The following FSTL5 variants were observed in gnomAD, a reference collection of about 807,000 sequenced individuals.
The protein encoded by FSTL5 is follistatin like 5.
Under a neutral mutation model 89.1 loss-of-function variants are expected in FSTL5, and 62 were observed. The ratio of observed to expected loss-of-function variants is 0.70; its 90% CI spans 0.57 to 0.86. FSTL5 has a LOEUF of 0.86. Ranked by LOEUF, FSTL5 falls within the 40% of genes least tolerant of loss-of-function variation. FSTL5 has a pLI of 0.00. For synonymous variants in FSTL5, 383 were observed against 346.2 expected (o/e 1.11, Z -1.18); for missense variants, 1,057 against 1,001.6 (o/e 1.06, Z -0.75).
intron 10 of FSTL5, among the ~76,000 whole-genome samples, chr4:161,533,168 G>GTA: frequency 7.8e-6 from 1 of 127,706 alleles, no homozygotes; most frequent in African/African-American, 3.0e-5. Flanking sequence ...TTAGAACTAG[G>GTA]AAAAAAAAAA....
At chr4:162,147,026 C>G (rs1733028637) in intron 1 of FSTL5, among the ~76,000 whole-genome samples, 1 of 151,978 alleles carries the variant, frequency 6.6e-6, no homozygotes, top group Non-Finnish European at 1.5e-5. Flanking sequence ...AAGTGATCTG[C>G]CCCCCTCGGC....
intron 7 of FSTL5, among the ~76,000 whole-genome samples, chr4:161,595,340 CCT>C (rs5863471): frequency 0.59 from 88,835 of 151,536 alleles, 26,288 homozygotes; most frequent in East Asian, 0.77. Flanking sequence ...GTTCTGAACC[CCT>C]GTTACACCTT....
At chr4:161,428,942 A>G (rs1732259034) in intron 15 of FSTL5, among the ~76,000 whole-genome samples, 1 of 151,784 alleles carries the variant, frequency 6.6e-6, no homozygotes, top group Non-Finnish European at 1.5e-5. Context: ...TGGATTCTAG[A>G]TTTTGGCCCT....
chr4:161,916,488 T>C (rs575920855), intron 4 of FSTL5, among the ~76,000 whole-genome samples: 53 of 152,240 alleles, frequency 3.5e-4, no homozygotes, highest in African/African-American at 1.2e-3. Context: ...AACTGTCTCA[T>C]CACAAAAATG....
chr4:162,066,640 G>A (rs1290907093), intron 2 of FSTL5, among the ~76,000 whole-genome samples: 1 of 134,328 alleles, frequency 7.4e-6, no homozygotes, highest in Non-Finnish European at 1.5e-5. Flanking sequence ...GTGTCCATGT[G>A]TTCTATTGTT....
intron 3 of FSTL5, among the ~76,000 whole-genome samples, chr4:162,025,867 C>T (rs1560977055): frequency 6.6e-6 from 1 of 151,740 alleles, no homozygotes; most frequent in Non-Finnish European, 1.5e-5. Context: ...GAATTGCAAA[C>T]TTTTTTATAT....
chr4:162,104,746 T>C (rs1220136435), intron 2 of FSTL5, among the ~76,000 whole-genome samples: 1 of 152,168 alleles, frequency 6.6e-6, no homozygotes, highest in East Asian at 1.9e-4. Flanking sequence ...CTCATGAAAC[T>C]ATGTGTGACA....
At chr4:161,925,951 A>G (rs1734109534) in intron 3 of FSTL5, among the ~76,000 whole-genome samples, 1 of 151,966 alleles carries the variant, frequency 6.6e-6, no homozygotes, top group Non-Finnish European at 1.5e-5. Context: ...TACATTACAC[A>G]ATTAAATATT....
intron 4 of FSTL5, among the ~76,000 whole-genome samples, chr4:161,877,234 A>C (rs1732474190): frequency 6.6e-6 from 1 of 151,050 alleles, no homozygotes; most frequent in African/African-American, 2.4e-5. Flanking sequence ...ATATAGAAAA[A>C]TTACTAAGAT....
In FSTL5 at chr4:161,751,097, A is replaced by G. The variant is rs536588914; in HGVS notation, c.727+8314T>C. On this transcript the variant is annotated intron_variant, in intron 6 of 15. Transcript: ENST00000306100. Reference sequence around the variant, plus strand: ...TAGAGATCAGAGTGTGAAGAATGCCAGATACTATAGGTGAAAAAAAGAACC... The same window carrying G: ...TAGAGATCAGAGTGTGAAGAATGCCGGATACTATAGGTGAAAAAAAGAACC... Among the ~76,000 whole-genome samples, 323 of 152,284 alleles carry G rather than the reference A, an allele frequency of 2.1e-3. 4 individuals carry two copies. The highest frequency in any genetic ancestry group is 7.6e-3 in the African/African-American group (314 of 41,564).
intron 2 of FSTL5, among the ~76,000 whole-genome samples, chr4:162,063,376 C>A (rs1409086176): frequency 6.6e-6 from 1 of 151,752 alleles, no homozygotes; most frequent in African/African-American, 2.4e-5. Flanking sequence ...ACATACAAAA[C>A]AGTGATTCGA....
At chr4:161,855,938 G>A (rs537787816) in intron 4 of FSTL5, among the ~76,000 whole-genome samples, 10 of 152,108 alleles carry the variant, frequency 6.6e-5, no homozygotes, top group African/African-American at 2.4e-4. Context: ...ATTTGAAAAA[G>A]CAATAAGGAA....
intron 7 of FSTL5, among the ~76,000 whole-genome samples, chr4:161,621,135 C>T (rs1157513481): frequency 1.3e-5 from 2 of 152,140 alleles, no homozygotes; most frequent in African/African-American, 4.8e-5. Flanking sequence ...GGCCATAAAA[C>T]AATTCCAGTG....
intron 1 of FSTL5, among the ~76,000 whole-genome samples, chr4:162,133,401 C>T (rs1031526565): frequency 2.0e-5 from 3 of 152,130 alleles, no homozygotes; most frequent in South Asian, 4.1e-4. Context: ...TTGGTTCCTA[C>T]TCATGTTTTT....
chr4:161,785,153 T>C (rs1374230852), intron 4 of FSTL5, among the ~76,000 whole-genome samples: 1 of 152,168 alleles, frequency 6.6e-6, no homozygotes, highest in Admixed American at 6.5e-5. Flanking sequence ...CTGAGGAACT[T>C]TTCACCATAG....
At chr4:161,483,798 C>T (rs1319002261) in intron 12 of FSTL5, among the ~76,000 whole-genome samples, 1 of 152,026 alleles carries the variant, frequency 6.6e-6, no homozygotes, top group Non-Finnish European at 1.5e-5. Context: ...ATAATACATA[C>T]TGATGAAGAA....
chr4:162,137,501 A>T (rs1250687351), intron 1 of FSTL5, among the ~76,000 whole-genome samples: 1 of 152,122 alleles, frequency 6.6e-6, no homozygotes, highest in African/African-American at 2.4e-5. Context: ...TAACATTTGG[A>T]ACCACATCTG....
At chr4:161,806,718 T>C (rs554807966) in intron 4 of FSTL5, among the ~76,000 whole-genome samples, 2 of 152,104 alleles carry the variant, frequency 1.3e-5, no homozygotes, top group Non-Finnish European at 2.9e-5. Flanking sequence ...AATATAGCTT[T>C]CACAGAATGA....
chr4:161,950,500 C>G (rs1734862830), intron 3 of FSTL5, among the ~76,000 whole-genome samples: 1 of 152,186 alleles, frequency 6.6e-6, no homozygotes, highest in South Asian at 2.1e-4. Context: ...GCTTCATACT[C>G]TGGAAAGTAC....
Sources: allele counts gnomAD v4.1 joint callset (sites outside exome capture counted in the v4.1 genomes callset), GRCh38; gene constraint gnomAD v4.1.1; transcripts MANE v1.5; gene names NCBI Gene and HGNC (gene_info 2026-07-23, HGNC 2026-07-21).